The following ANO10 variants were observed in gnomAD, a reference collection of about 807,000 sequenced individuals.
ANO10 encodes the protein anoctamin-10.
A neutral mutation model predicts 74.7 loss-of-function variants in ANO10; 77 were observed. The ratio of observed to expected loss-of-function variants is 1.03; its 90% CI spans 0.86 to 1.25. The LOEUF (loss-of-function observed/expected upper bound fraction) is 1.25. ANO10 is among the 50% of genes most tolerant of loss of function. The pLI, the probability that ANO10 is intolerant of heterozygous loss-of-function variation, is 0.00. For missense variants in ANO10, 721 were observed against 778.1 expected (o/e 0.93, Z 0.87); for synonymous variants, 279 against 284.9 (o/e 0.98, Z 0.21).
At chr3:43,434,229 A>G (rs1467795328) in intron 11 of ANO10, among the ~76,000 whole-genome samples, 1 of 152,248 alleles carries the variant, frequency 6.6e-6, no homozygotes, top group African/African-American at 2.4e-5. Context: ...TGTGACTGCC[A>G]TGACCAAAGA....
At chr3:43,556,342 G>A (rs1380198668) in intron 9 of ANO10, among the ~76,000 whole-genome samples, 3 of 152,120 alleles carry the variant, frequency 2.0e-5, no homozygotes, top group Non-Finnish European at 4.4e-5. Context: ...GTTTTTCTCA[G>A]GTGTGCTATT....
At chr3:43,654,108 C>T (rs1446049181) in intron 1 of ANO10, among the ~76,000 whole-genome samples, 2 of 152,086 alleles carry the variant, frequency 1.3e-5, no homozygotes, top group Non-Finnish European at 2.9e-5. Context: ...TGAAGATACT[C>T]TTCTTTGGAC....
chr3:43,576,616 A>G, intron 6 of ANO10, 76 bp downstream of exon 6: 2 of 1,458,114 alleles, frequency 1.4e-6, no homozygotes, highest in Non-Finnish European at 1.9e-6. Context: ...GCAAGGTAGC[A>G]GCTATGTGAA....
chr3:43,660,726 T>G (rs1388780679), intron 1 of ANO10, among the ~76,000 whole-genome samples: 3 of 152,136 alleles, frequency 2.0e-5, no homozygotes, highest in Non-Finnish European at 2.9e-5. Context: ...AGGCCAAGGC[T>G]GGCGGATCAC....
intron 1 of ANO10, among the ~76,000 whole-genome samples, chr3:43,651,615 T>G (rs2083788637): frequency 6.6e-6 from 1 of 152,124 alleles, no homozygotes; most frequent in Non-Finnish European, 1.5e-5. Context: ...AGAGCAGAAT[T>G]TTTCTCTTAT....
chr3:43,577,538 T>G (rs1011147535), intron 5 of ANO10, among the ~76,000 whole-genome samples: 2 of 152,188 alleles, frequency 1.3e-5, no homozygotes, highest in African/African-American at 4.8e-5. Flanking sequence ...GATGGATACC[T>G]TCTTCCCAAA....
At chr3:43,582,105 T>C (rs1447366473) in intron 4 of ANO10, among the ~76,000 whole-genome samples, 1 of 152,042 alleles carries the variant, frequency 6.6e-6, no homozygotes, top group Non-Finnish European at 1.5e-5. Flanking sequence ...ATATCAGGCA[T>C]AAAACCCCTT....
intron 4 of ANO10, among the ~76,000 whole-genome samples, chr3:43,595,362 C>G (rs1033694364): frequency 6.6e-6 from 1 of 152,170 alleles, no homozygotes; most frequent in Non-Finnish European, 1.5e-5. Flanking sequence ...CAAAAATCCT[C>G]AACAAAATAA....
At chr3:43,396,115 G>A (rs183809055) in intron 12 of ANO10, among the ~76,000 whole-genome samples, 48 of 149,854 alleles carry the variant, frequency 3.2e-4, no homozygotes, top group African/African-American at 8.5e-4. Context: ...CAGAACATTC[G>A]GCATAATGTT....
At chr3:43,414,702 T>A (rs972379117) in intron 12 of ANO10, among the ~76,000 whole-genome samples, 1 of 152,198 alleles carries the variant, frequency 6.6e-6, no homozygotes, top group African/African-American at 2.4e-5. Context: ...CACGTAATTT[T>A]CCAAAGAAAG....
intron 6 of ANO10, among the ~76,000 whole-genome samples, chr3:43,575,653 T>C (rs986839996): frequency 1.3e-5 from 2 of 152,162 alleles, no homozygotes; most frequent in Non-Finnish European, 2.9e-5. Flanking sequence ...TTTTTTTTTT[T>C]GTGAGACGGA....
intron 12 of ANO10, among the ~76,000 whole-genome samples, chr3:43,377,779 A>G (rs1409354542): frequency 6.6e-6 from 1 of 152,240 alleles, no homozygotes; most frequent in Non-Finnish European, 1.5e-5. Context: ...AGCCATGGCT[A>G]GGTGACATTT....
chr3:43,432,577 GC>G, intron 12 of ANO10, 33 bp downstream of exon 12: 1 of 1,470,740 alleles, frequency 6.8e-7, no homozygotes, highest in Non-Finnish European at 9.5e-7. Flanking sequence ...ATTTGCTAAA[GC>G]AATACATACA....
chr3:43,370,175 A>T (rs1296676230), intron 12 of ANO10, among the ~76,000 whole-genome samples: 1 of 152,184 alleles, frequency 6.6e-6, no homozygotes, highest in African/African-American at 2.4e-5. Flanking sequence ...CCGATGGGGA[A>T]GTGGTGAGCA....
intron 12 of ANO10, among the ~76,000 whole-genome samples, chr3:43,417,913 C>T (rs769425478): frequency 1.1e-4 from 17 of 152,100 alleles, no homozygotes; most frequent in Non-Finnish European, 2.1e-4. Flanking sequence ...AAGGATGGTT[C>T]GATAACAGCA....
At chr3:43,464,715 A>G (rs1559573163) in intron 11 of ANO10, among the ~76,000 whole-genome samples, 1 of 152,172 alleles carries the variant, frequency 6.6e-6, no homozygotes, top group Non-Finnish European at 1.5e-5. Flanking sequence ...TTAGAAAGTT[A>G]TTTAATATAA....
rs148079312 is a variant in ANO10, at chr3:43,598,573, G to A, written c.431C>T (p.Pro144Leu). Residue 144 changes from proline to leucine, a missense_variant, in exon 4 of 13, where the codon CCT (proline) becomes CTT (leucine). Pro to Leu is a moderately conservative substitution (Grantham distance 98, BLOSUM62 -3). Transcript: ENST00000292246. ...ATACAACTTTGCCTGAGGGTAACCA[G>A]GGATCATTTTTTCATCTTTAGCTCT... ...NLRAKDEKMI[P>L]GYPQAKLYPG... is the part of the protein sequence containing the mutation. The A allele has an allele frequency of 6.2e-7, 1 of 1,613,068 alleles. No individual in the cohort carries two copies. The highest frequency in any genetic ancestry group is 8.5e-7 in the Non-Finnish European group (1 of 1,179,624).
intron 12 of ANO10, among the ~76,000 whole-genome samples, chr3:43,428,099 G>T (rs2092924981): frequency 6.6e-6 from 1 of 151,774 alleles, no homozygotes; most frequent in African/African-American, 2.4e-5. Flanking sequence ...ACTCAGCCTG[G>T]AGTGCAGAGG....
intron 1 of ANO10, among the ~76,000 whole-genome samples, chr3:43,656,574 G>A (rs968552487): frequency 5.9e-5 from 9 of 152,248 alleles, no homozygotes; most frequent in African/African-American, 1.9e-4. Context: ...CCTGCCCTGC[G>A]GGAAGGCAGC....
Sources: gnomAD v4.1 joint callset for allele counts (sites outside exome capture counted in the v4.1 genomes callset) on GRCh38, gnomAD v4.1.1 for gene constraint, MANE v1.5 for transcripts, NCBI Gene and HGNC (gene_info 2026-07-23, HGNC 2026-07-21) for gene names.